The following GALNT14 variants were observed in gnomAD, a reference collection of about 807,000 sequenced individuals.
GALNT14 encodes the protein UDP-GalNAc:polypeptide N-acetylgalactosaminyltransferase 14.
In GALNT14, 60 loss-of-function variants were observed where a neutral mutation model predicts 77.5. That is an observed-to-expected ratio of 0.77 (90% CI 0.63 to 0.96). The LOEUF (loss-of-function observed/expected upper bound fraction) is 0.96, where lower values mean the gene tolerates loss of function less well. Among genes scored for constraint, GALNT14 ranks in the 40% least tolerant of loss-of-function variants. The pLI, the probability that GALNT14 is intolerant of heterozygous loss-of-function variation, is 0.00. For synonymous variants in GALNT14, 280 were observed against 281.7 expected (o/e 0.99, Z 0.06); for missense variants, 710 against 731.0 (o/e 0.97, Z 0.33).
chr2:31,109,657 A>T (rs777186827), intron 1 of GALNT14, among the ~76,000 whole-genome samples: 18 of 152,230 alleles, frequency 1.2e-4, no homozygotes, highest in Admixed American at 2.0e-4. Context: ...ATTGTAATGG[A>T]CGCGATGTGG....
intron 1 of GALNT14, among the ~76,000 whole-genome samples, chr2:30,998,315 C>T (rs556703241): frequency 6.6e-6 from 1 of 152,252 alleles, no homozygotes; most frequent in East Asian, 1.9e-4. Context: ...TTTTTACTCC[C>T]TCTCACTTCA....
At chr2:31,041,530 G>C (rs893275145) in intron 1 of GALNT14, among the ~76,000 whole-genome samples, 1 of 152,098 alleles carries the variant, frequency 6.6e-6, no homozygotes, top group Admixed American at 6.5e-5. Context: ...CATCATGGCT[G>C]TCCCTCATGG....
chr2:31,046,393 AT>A, intron 1 of GALNT14, among the ~76,000 whole-genome samples: 1 of 151,788 alleles, frequency 6.6e-6, no homozygotes, highest in Admixed American at 6.6e-5. Context: ...CGCCCAGCTA[AT>A]TTTTTTTGTA....
the GALNT14 span, among the ~76,000 whole-genome samples, chr2:30,890,529 T>C: frequency 1.3e-5 from 2 of 152,224 alleles, no homozygotes; most frequent in Non-Finnish European, 2.9e-5. Context: ...GATTCAATGA[T>C]GAGATACACG....
At chr2:31,092,782 G>T (rs1372339925) in intron 1 of GALNT14, among the ~76,000 whole-genome samples, 1 of 152,174 alleles carries the variant, frequency 6.6e-6, no homozygotes, top group African/African-American at 2.4e-5. Context: ...ATACAATGTA[G>T]TGATCAATGC....
At chr2:31,117,630 A>C (rs746758969) in intron 1 of GALNT14, among the ~76,000 whole-genome samples, 8 of 152,212 alleles carry the variant, frequency 5.3e-5, no homozygotes, top group Admixed American at 6.5e-5. Flanking sequence ...AGACACTACT[A>C]TGTGCAACTT....
At chr2:30,901,020 C>A in the GALNT14 span, among the ~76,000 whole-genome samples, 1 of 152,098 alleles carries the variant, frequency 6.6e-6, no homozygotes, top group Non-Finnish European at 1.5e-5. Flanking sequence ...AAGCTTGTGC[C>A]AAGTAATAGA....
intron 1 of GALNT14, among the ~76,000 whole-genome samples, chr2:31,104,478 CAAT>C (rs1011693590): frequency 1.2e-4 from 18 of 152,242 alleles, no homozygotes; most frequent in Non-Finnish European, 1.8e-4. Flanking sequence ...AAAAAATCAA[CAAT>C]GATACAGCAC....
chr2:30,936,346 A>T (rs1666058362), intron 9 of GALNT14, among the ~76,000 whole-genome samples: 1 of 152,086 alleles, frequency 6.6e-6, no homozygotes, highest in Non-Finnish European at 1.5e-5. Flanking sequence ...GCAAACCACG[A>T]CTATTCATAT....
chr2:31,057,512 G>A (rs1029393164), intron 1 of GALNT14, among the ~76,000 whole-genome samples: 1 of 150,698 alleles, frequency 6.6e-6, no homozygotes, highest in Admixed American at 6.6e-5. Flanking sequence ...GACTCAACTT[G>A]GCAGCTACGG....
intron 1 of GALNT14, among the ~76,000 whole-genome samples, chr2:31,124,329 T>C (rs1162742055): frequency 6.6e-6 from 1 of 152,234 alleles, no homozygotes; most frequent in South Asian, 2.1e-4. Context: ...TAGCTGTCTT[T>C]TCTCTTTTGA....
downstream of GALNT14, among the ~76,000 whole-genome samples, chr2:30,907,805 T>C (rs1305219293): frequency 6.8e-6 from 1 of 147,634 alleles, no homozygotes; most frequent in Non-Finnish European, 1.5e-5. Flanking sequence ...GATGCAAAAA[T>C]CCTCAATAAA....
At chr2:30,948,803 A>G (rs547566551) in intron 6 of GALNT14, among the ~76,000 whole-genome samples, 1 of 151,968 alleles carries the variant, frequency 6.6e-6, no homozygotes, top group East Asian at 1.9e-4. Context: ...AGTCTTGGGG[A>G]CCCCCAGACT....
Position 31,138,004 on chromosome 2 carries a change from T to C in GALNT14, c.83A>G (p.Lys28Arg). 6.2e-7 allele frequency: 1 copy of C among 1,613,756 alleles called. No individual in the cohort carries two copies. The highest frequency in any genetic ancestry group is 8.5e-7 in the Non-Finnish European group (1 of 1,179,758). The change falls in exon 1 of 15, where the codon AAG (lysine) becomes AGG (arginine). Residue 28 changes from lysine to arginine, a missense_variant. Physicochemically the swap from Lys to Arg is conservative, Grantham distance 26 (BLOSUM62 2). Coordinates refer to ENST00000349752, the MANE Select transcript of GALNT14 (RefSeq NM_024572.4). Reference sequence around the variant, plus strand: ...TCCCGTCGGCACCTCCAACTTCCTCTTGGTTACCCAGAAGAACAGCAGCAC... The same window carrying C: ...TCCCGTCGGCACCTCCAACTTCCTCCTGGTTACCCAGAAGAACAGCAGCAC... ...ITVLLFFWVT[K>R]RKLEVPTGPE...
chr2:30,894,102 C>G, the GALNT14 span, among the ~76,000 whole-genome samples: 1 of 144,878 alleles, frequency 6.9e-6, no homozygotes, highest in Non-Finnish European at 1.5e-5. Flanking sequence ...TGGGTTCCAG[C>G]TCTGCCTGCC....
At chr2:31,018,156 C>T (rs920156427) in intron 1 of GALNT14, among the ~76,000 whole-genome samples, 11 of 152,324 alleles carry the variant, frequency 7.2e-5, no homozygotes, top group African/African-American at 1.9e-4. Flanking sequence ...GACAGAGGCT[C>T]GCAGATTTAA....
At chr2:30,973,082 T>C (rs1010837404) in intron 2 of GALNT14, among the ~76,000 whole-genome samples, 1 of 152,184 alleles carries the variant, frequency 6.6e-6, no homozygotes, top group Non-Finnish European at 1.5e-5. Flanking sequence ...GAATGGGTCA[T>C]TTTCATCATG....
chr2:31,137,661 G>T (rs1286318618), intron 1 of GALNT14, among the ~76,000 whole-genome samples: 1 of 152,158 alleles, frequency 6.6e-6, no homozygotes, highest in Non-Finnish European at 1.5e-5. Flanking sequence ...CCCGTCCGCA[G>T]AGCCCCCTCC....
intron 1 of GALNT14, among the ~76,000 whole-genome samples, chr2:31,114,561 T>C (rs1410710904): frequency 6.6e-6 from 1 of 151,884 alleles, no homozygotes; most frequent in Non-Finnish European, 1.5e-5. Context: ...GAAGATCAAG[T>C]AGAAAAATAC....
Sources: gnomAD v4.1 joint callset for allele counts (sites outside exome capture counted in the v4.1 genomes callset) on GRCh38, gnomAD v4.1.1 for gene constraint, MANE v1.5 for transcripts, NCBI Gene and HGNC (gene_info 2026-07-23, HGNC 2026-07-21) for gene names.